Variants in ADAMTS17 observed in about 807,000 individuals in gnomAD.
ADAMTS17 encodes the protein ADAM metallopeptidase with thrombospondin type 1 motif 17.
Under a neutral mutation model 141.5 loss-of-function variants are expected in ADAMTS17, and 113 were observed. The ratio of observed to expected loss-of-function variants is 0.80; its 90% CI spans 0.69 to 0.93. The LOEUF (loss-of-function observed/expected upper bound fraction) is 0.93. ADAMTS17 is among the 40% of genes least tolerant of loss of function. ADAMTS17 has a pLI of 0.00. For synonymous variants in ADAMTS17, 768 were observed against 630.6 expected, an observed-to-expected ratio of 1.22 and a Z score of -3.27; for missense variants, 1,659 against 1,517.9, an observed-to-expected ratio of 1.09 and a Z score of -1.54.
At chr15:100,300,417 A>G (rs2044989390) in intron 3 of ADAMTS17, among the ~76,000 whole-genome samples, 1 of 152,228 alleles carries the variant, frequency 6.6e-6, no homozygotes. Flanking sequence ...CAGAAAATGC[A>G]GTCACCTGAG....
intron 10 of ADAMTS17, among the ~76,000 whole-genome samples, chr15:100,135,019 C>T (rs1407592714): frequency 6.6e-6 from 1 of 152,176 alleles, no homozygotes; most frequent in Non-Finnish European, 1.5e-5. Context: ...TGGACATGTG[C>T]TCACAAGACA....
At chr15:100,152,962 A>AATATTATTTT (rs2039253020) in intron 9 of ADAMTS17, among the ~76,000 whole-genome samples, 200 bp from the exon 10 acceptor site, 1 of 151,506 alleles carries the variant, frequency 6.6e-6, no homozygotes, top group South Asian at 2.1e-4. Flanking sequence ...CCAAATGTGA[A>AATATTATTTT]TCTTCGCTCT....
At chr15:100,240,918 C>T (rs371386120) in intron 7 of ADAMTS17, among the ~76,000 whole-genome samples, 59 of 152,268 alleles carry the variant, frequency 3.9e-4, no homozygotes, top group African/African-American at 1.3e-3. Flanking sequence ...CTCCGCCTCC[C>T]GGGTTCAAGC....
chr15:100,009,573 C>T (rs986408285), intron 18 of ADAMTS17, among the ~76,000 whole-genome samples: 6 of 152,186 alleles, frequency 3.9e-5, no homozygotes, highest in African/African-American at 4.8e-5. Context: ...TTGTTGGAGG[C>T]GTGACTCAGG....
Position 99,973,499 on chromosome 15 carries a change from T to C in ADAMTS17, c.*903A>G, listed in dbSNP as rs2060254592. On this transcript the variant is annotated 3_prime_UTR_variant, in exon 22 of 22. Transcript: ENST00000268070. ...CTCTAAGGTACAAAGCTTTAGGAAG[T>C]GCAGGCCAGAGTGGATGTTCCCGGA... 1 of 152,258 alleles carries C rather than the reference T, an allele frequency of 6.6e-6. No homozygotes were observed. The highest frequency in any genetic ancestry group is 1.5e-5 in the Non-Finnish European group (1 of 68,074). 9.4% of individuals were successfully genotyped at this position (152,258 alleles called of 1,614,324 possible).
At chr15:100,022,364 G>A (rs1355240324) in intron 18 of ADAMTS17, among the ~76,000 whole-genome samples, 4 of 152,128 alleles carry the variant, frequency 2.6e-5, no homozygotes, top group South Asian at 2.1e-4. Context: ...CCTAAACCTC[G>A]GCTCTGGCAC....
chr15:100,145,852 T>C lies in ADAMTS17; in HGVS notation c.1473+6760A>G, dbSNP rs2038877708. Among the ~76,000 whole-genome samples the C allele has an allele frequency of 2.0e-5, 3 of 152,258 alleles. No homozygotes were observed. The South Asian group carries it at 6.2e-4, about 32-fold the overall frequency. ...CTTTACTAAGTTGACATTCTAATCT[T>C]TAACGCATCACATTCTGCCTTTATG... is the stretch of plus-strand genomic sequence containing the variant. On this transcript the variant is annotated intron_variant, in intron 10 of 21. Coordinates refer to ENST00000268070, the MANE Select transcript of ADAMTS17 (RefSeq NM_139057.4).
At chr15:100,200,033 G>A (rs541988937) in intron 7 of ADAMTS17, among the ~76,000 whole-genome samples, 1 of 152,366 alleles carries the variant, frequency 6.6e-6, no homozygotes, top group South Asian at 2.1e-4. Context: ...GCCCTTGAGA[G>A]AGGAAGACCC....
At chr15:100,206,605 C>T (rs1311486115) in intron 7 of ADAMTS17, among the ~76,000 whole-genome samples, 1 of 152,200 alleles carries the variant, frequency 6.6e-6, no homozygotes, top group African/African-American at 2.4e-5. Context: ...TTAGAATGCC[C>T]TCCCTCTCCC....
intron 6 of ADAMTS17, among the ~76,000 whole-genome samples, chr15:100,256,206 G>A (rs555237890): frequency 6.8e-4 from 103 of 152,298 alleles, no homozygotes; most frequent in East Asian, 1.4e-3. Context: ...ATGAAAAGAG[G>A]GCTAGACTTG....
At chr15:100,100,246 G>T (rs575835420) in intron 14 of ADAMTS17, among the ~76,000 whole-genome samples, 1 of 152,306 alleles carries the variant, frequency 6.6e-6, no homozygotes, top group South Asian at 2.1e-4. Flanking sequence ...CCAGCCCCTG[G>T]ATGACTCCTC....
chr15:100,031,962 A>G (rs2030214727), intron 18 of ADAMTS17, among the ~76,000 whole-genome samples: 1 of 152,194 alleles, frequency 6.6e-6, no homozygotes, highest in Admixed American at 6.5e-5. Flanking sequence ...GGGAAGACTA[A>G]AGAAACAGAG....
chr15:100,281,900 T>C (rs7497855), intron 3 of ADAMTS17, among the ~76,000 whole-genome samples: 62,886 of 151,846 alleles, frequency 0.41, 13,667 homozygotes, highest in South Asian at 0.58. Flanking sequence ...TTGGTAGACA[T>C]AAAAACACTA....
chr15:100,001,598 G>A (rs1047021239), intron 18 of ADAMTS17, among the ~76,000 whole-genome samples: 2 of 152,108 alleles, frequency 1.3e-5, no homozygotes, highest in African/African-American at 2.4e-5. Context: ...GAGACCATGC[G>A]TGCCTGCAGC....
At chr15:100,296,071 A>G (rs2044798173) in intron 3 of ADAMTS17, among the ~76,000 whole-genome samples, 1 of 152,140 alleles carries the variant, frequency 6.6e-6, no homozygotes, top group Admixed American at 6.5e-5. Context: ...TACCACCCAC[A>G]TCTAAGAACC....
At chr15:99,983,396 C>A (rs1198707255) in intron 20 of ADAMTS17, among the ~76,000 whole-genome samples, 1 of 152,116 alleles carries the variant, frequency 6.6e-6, no homozygotes, top group African/African-American at 2.4e-5. Flanking sequence ...CCTGCCCCTG[C>A]CCCCCACCTG....
rs145892811 is a variant in ADAMTS17 at position 100,174,075 on chromosome 15, CT to C, written c.1182-18756del. Among the ~76,000 whole-genome samples, 331 of 152,334 alleles carry C rather than the reference CT, an allele frequency of 2.2e-3. 2 individuals carry two copies. The highest frequency in any genetic ancestry group is 7.7e-3 in the African/African-American group (319 of 41,572). ...GCCCCCTCTTTACAATGTGACAGAGCTCTTGGTCCCATTTAAGCTTCTCTCC... is the reference window on the plus strand; with the variant it reads ...GCCCCCTCTTTACAATGTGACAGAGCCTTGGTCCCATTTAAGCTTCTCTCC... On this transcript the variant is annotated intron_variant, in intron 8 of 21. Transcript: ENST00000268070.
intron 15 of ADAMTS17, among the ~76,000 whole-genome samples, chr15:100,066,529 G>C (rs1021545366): frequency 6.6e-6 from 1 of 152,030 alleles, no homozygotes; most frequent in Admixed American, 6.6e-5. Context: ...AGGTCCTTTA[G>C]TGTAGGTCTC....
rs922972266 is a variant in ADAMTS17, at chr15:100,152,357, G to A, written c.1473+255C>T. 4.6e-5 allele frequency among the ~76,000 whole-genome samples: 7 copies of A among 151,568 alleles called. 1 individual carries two copies. The highest frequency in any genetic ancestry group is 4.6e-4 in the Admixed American group (7 of 15,230). Reference sequence around the variant, plus strand: ...CGTGTGGGGGACTGTGTGTAGATGTGTGCCTGCAACTGCATGTGTAGGTGT... The same window carrying A: ...CGTGTGGGGGACTGTGTGTAGATGTATGCCTGCAACTGCATGTGTAGGTGT... On this transcript the variant is annotated intron_variant, in intron 10 of 21. Transcript: ENST00000268070.
Sources: allele counts gnomAD v4.1 joint callset (sites outside exome capture counted in the v4.1 genomes callset), GRCh38; gene constraint gnomAD v4.1.1; transcripts MANE v1.5; gene names NCBI Gene and HGNC (gene_info 2026-07-23, HGNC 2026-07-21).